RNF19A: variants seen among roughly 807,000 people sequenced by gnomAD.
The protein encoded by RNF19A is ring finger protein 19A, RBR E3 ubiquitin protein ligase.
Under a neutral mutation model 75.7 loss-of-function variants are expected in RNF19A, and 32 were observed. That is an observed-to-expected ratio of 0.42 (90% CI 0.32 to 0.57). The LOEUF is 0.57. RNF19A is among the 20% of genes least tolerant of loss of function. The probability of loss-of-function intolerance (pLI) is 0.10; values close to 1 mark genes in which losing one functional copy is unlikely to be tolerated. For missense variants in RNF19A, 782 were observed against 1,036.3 expected, an observed-to-expected ratio of 0.75 and a Z score of 3.37; for synonymous variants, 335 against 345.2, an observed-to-expected ratio of 0.97 and a Z score of 0.33.
chr8:100,319,286 A>G (rs546830524), intron 1 of RNF19A, among the ~76,000 whole-genome samples: 1 of 149,790 alleles, frequency 6.7e-6, no homozygotes, highest in African/African-American at 2.4e-5. Flanking sequence ...AAGAATATAA[A>G]TTTTTCTTAG....
At chr8:100,293,876 C>T (rs1289921461) in intron 1 of RNF19A, among the ~76,000 whole-genome samples, 3 of 152,206 alleles carry the variant, frequency 2.0e-5, no homozygotes, top group South Asian at 4.1e-4. Flanking sequence ...CATCTCCAAT[C>T]TGCTGTTAAA....
At chr8:100,316,004 A>G (rs1401932508) in intron 1 of RNF19A, among the ~76,000 whole-genome samples, 2 of 152,082 alleles carry the variant, frequency 1.3e-5, no homozygotes, top group Non-Finnish European at 2.9e-5. Flanking sequence ...GAAGCCGTGG[A>G]CCCTTGCGGT....
In RNF19A at chr8:100,259,203, G is replaced by C; in HGVS notation, c.1870C>G (p.Pro624Ala). The C allele has an allele frequency of 6.2e-7, 1 of 1,613,614 alleles. No homozygotes were observed. Among genetic ancestry groups the C allele is most frequent in the Non-Finnish European group, 8.5e-7 (1 of 1,179,974 alleles). ...CCACTGTTGTGCCTGAATTTGGATG[G>C]CTTTGACTCAATATCTACTTGCACC... ...MEVQVDIESK[P>A]SKFRHNSGSS... The change falls in exon 10 of 10, where the codon CCA becomes GCA. Residue 624 changes from proline (P) to alanine (A), a missense_variant. Transcript: ENST00000341084. The surrounding 1 kb of genome is among the most constrained non-coding windows in gnomAD (Gnocchi z 4.5).
At chr8:100,285,914 CAT>C (rs1563850723) in intron 2 of RNF19A, among the ~76,000 whole-genome samples, 1 of 152,142 alleles carries the variant, frequency 6.6e-6, no homozygotes, top group African/African-American at 2.4e-5. Context: ...TGAAACATAA[CAT>C]AGACATATTC....
At chr8:100,282,948 T>C (rs1192391754) in intron 2 of RNF19A, among the ~76,000 whole-genome samples, 1 of 152,176 alleles carries the variant, frequency 6.6e-6, no homozygotes, top group African/African-American at 2.4e-5. Flanking sequence ...AAGCCAATTA[T>C]AGTTGATCAC....
In RNF19A at chr8:100,287,584, C is replaced by G. The variant is rs73282731; in HGVS notation, c.591G>C (p.Leu197Phe). ...GCATAAATTCTTCGTATTTTTCCATCAAGACATCATCACTTAATATCAAGC... is the reference window on the plus strand; with the variant it reads ...GCATAAATTCTTCGTATTTTTCCATGAAGACATCATCACTTAATATCAAGC... The part of the protein sequence containing the change: ...DIRLILSDDV[L>F]MEKYEEFMLR... Residue 197 changes from leucine (L) to phenylalanine (F), a missense_variant, in exon 2 of 10, where the codon TTG becomes TTC. Leu to Phe is a conservative substitution (Grantham distance 22). Transcript: ENST00000341084. The surrounding 1 kb of genome is among the most constrained non-coding windows in gnomAD (Gnocchi z 4.1). 1.9e-6 allele frequency: 3 copies of G among 1,613,988 alleles called. No homozygotes were observed. The Admixed American group carries it at 5.0e-5, about 27-fold the overall frequency.
chr8:100,274,991 G>A lies in RNF19A; in HGVS notation c.845C>T (p.Ser282Phe). The A allele has an allele frequency of 6.2e-7, 1 of 1,614,072 alleles. No individual in the cohort carries two copies. Among genetic ancestry groups the A allele is most frequent in the Non-Finnish European group, 8.5e-7 (1 of 1,179,972 alleles). The change falls in exon 3 of 10, where the codon TCT (serine) becomes TTT (phenylalanine). Residue 282 changes from serine to phenylalanine, a missense_variant. Physicochemically the swap from Ser to Phe is radical, Grantham distance 155. Coordinates refer to ENST00000341084, the MANE Select transcript of RNF19A (RefSeq NM_183419.4). ...AQSLRLRTIR[S>F]SSISYSQESG... ...CTCTTGACTATAACTAATGGATGAA[G>A]AACGTATAGTTCTCAAACGTAAGCT...
intron 2 of RNF19A, among the ~76,000 whole-genome samples, chr8:100,286,511 T>C (rs575201070): frequency 2.1e-4 from 32 of 152,266 alleles, no homozygotes; most frequent in East Asian, 1.3e-3. Context: ...CCTGGGAAAA[T>C]TGGGATTTGC....
In RNF19A at chr8:100,325,052, G is replaced by A. The variant is rs991064971; in HGVS notation, c.-243+11056C>T. The stretch of plus-strand genomic sequence containing the variant: ...CTCTCGAGTAGCTGGAATTACAGGT[G>A]CCTACCACCACAACCGGCTAATTTT... On this transcript the variant is annotated intron_variant, in intron 1 of 3. Coordinates refer to the RNF19A transcript ENST00000519527. The surrounding 1 kb of genome is among the most constrained non-coding windows in gnomAD (Gnocchi z 4.3). Among the ~76,000 whole-genome samples the A allele has an allele frequency of 1.3e-5, 2 of 152,034 alleles. No homozygotes were observed. The highest frequency in any genetic ancestry group is 2.4e-5 in the African/African-American group (1 of 41,474).
intron 2 of RNF19A, among the ~76,000 whole-genome samples, chr8:100,277,299 T>C (rs2129750974): frequency 6.6e-6 from 1 of 152,304 alleles, no homozygotes; most frequent in South Asian, 2.1e-4. Flanking sequence ...TTTGGACTTG[T>C]TGATCCCTTA....
At chr8:100,335,153 A>G (rs867814985) in intron 1 of RNF19A, among the ~76,000 whole-genome samples, 3 of 152,370 alleles carry the variant, frequency 2.0e-5, no homozygotes, top group South Asian at 4.1e-4. Flanking sequence ...TAAAAACTCT[A>G]CTAATATGTT....
chr8:100,312,677 A>C (rs543489991), upstream of RNF19A, among the ~76,000 whole-genome samples: 207 of 152,310 alleles, frequency 1.4e-3, no homozygotes, highest in Non-Finnish European at 2.0e-3. Context: ...TAATCCCGGC[A>C]CTTTGGGAGG....
chr8:100,326,401 A>C (rs1233914348), intron 1 of RNF19A, among the ~76,000 whole-genome samples: 1 of 152,072 alleles, frequency 6.6e-6, no homozygotes, highest in Non-Finnish European at 1.5e-5. Context: ...TAATGCCCAC[A>C]TTCTTTCATT....
In RNF19A at chr8:100,259,327, GAAAA is replaced by G; in HGVS notation, c.1827-85_1827-82del. The G allele has an allele frequency of 9.0e-7, 1 of 1,115,698 alleles. No individual in the cohort carries two copies. The highest frequency in any genetic ancestry group is 1.3e-6 in the Non-Finnish European group (1 of 776,872). 69.1% of individuals were successfully genotyped at this position (1,115,698 alleles called of 1,614,324 possible). On this transcript the variant is annotated intron_variant, in intron 9 of 9. Transcript: ENST00000341084. The surrounding 1 kb of genome is among the most constrained non-coding windows in gnomAD (Gnocchi z 4.5). ...TGACTGGGGGAAGGGTTTCTATGTG[GAAAA>G]TTCAGACTATATATAAGCTATGAGA...
At position 100,268,917 on chromosome 8, in the gene RNF19A, T is replaced by C. The variant is rs755760971; in HGVS notation, c.1059A>G (p.Lys353=). 3 of 1,593,694 alleles carry C rather than the reference T, an allele frequency of 1.9e-6. No individual in the cohort carries two copies. The highest frequency in any genetic ancestry group is 1.7e-4 in the Middle Eastern group (1 of 5,966). The change falls in exon 5 of 10, where the codon AAA becomes AAG. Residue 353 remains lysine, a synonymous_variant. Coordinates refer to ENST00000341084, the MANE Select transcript of RNF19A (RefSeq NM_183419.4). ...SPSGCTFWGK[K]PWSRKKKILW... ...ATATTTTCTTCTTTCGGCTCCAGGGTTTCTTCCCCCAAAAAGTACATCCTG... is the reference window on the plus strand; with the variant it reads ...ATATTTTCTTCTTTCGGCTCCAGGGCTTCTTCCCCCAAAAAGTACATCCTG...
chr8:100,279,222 T>C (rs1188139494), intron 2 of RNF19A, among the ~76,000 whole-genome samples: 1 of 152,188 alleles, frequency 6.6e-6, no homozygotes, highest in Non-Finnish European at 1.5e-5. Flanking sequence ...TTAAAGTGAA[T>C]ATTTAGAATT....
chr8:100,335,781 CT>C (rs1822672911), intron 1 of RNF19A, among the ~76,000 whole-genome samples: 1 of 152,110 alleles, frequency 6.6e-6, no homozygotes, highest in Non-Finnish European at 1.5e-5. Context: ...TCCCTAGGTG[CT>C]TTCTAAGGTA....
rs772804531 is a variant in RNF19A, at chr8:100,325,611, C to A, written c.-243+10497G>T. On this transcript the variant is annotated intron_variant, in intron 1 of 3. Transcript: ENST00000519527. The surrounding 1 kb of genome is among the most constrained non-coding windows in gnomAD (Gnocchi z 4.3). ...CTACGCCCTGGGTCCTCAAGCCCAG[C>A]CTATATTTGCCATATCTTGGCCCCA... Among the ~76,000 whole-genome samples the A allele has an allele frequency of 3.3e-5, 5 of 152,146 alleles. No individual in the cohort carries two copies. Among genetic ancestry groups the A allele is most frequent in the Non-Finnish European group, 5.9e-5 (4 of 68,038 alleles).
In RNF19A at chr8:100,324,870, CTCTTTTTTT is replaced by C. The variant is rs1479974358; in HGVS notation, c.-243+11229_-243+11237del. ...CCCTCCCTCCTTCCTTTCTCTCTTTCTCTTTTTTTTCTTTCTTTCTCTCTCTCTCTTTCT... is the reference window on the plus strand; with the variant it reads ...CCCTCCCTCCTTCCTTTCTCTCTTTCTCTTTCTTTCTCTCTCTCTCTTTCT... On this transcript the variant is annotated intron_variant, in intron 1 of 3. Coordinates refer to the RNF19A transcript ENST00000519527. This position sits in a 1 kb window ranked among gnomAD's most constrained non-coding sequence, Gnocchi z 4.2. 1.4e-5 allele frequency among the ~76,000 whole-genome samples: 2 copies of C among 142,148 alleles called. No individual in the cohort carries two copies. Among genetic ancestry groups the C allele is most frequent in the African/African-American group, 2.8e-5 (1 of 36,230 alleles). The allele number at this position is 142,148 out of a possible 152,430, so 93.3% of individuals were successfully genotyped here. A position where few individuals can be genotyped will look rare whatever the true frequency, so the allele number is the denominator to read the frequency against.
Sources: allele counts gnomAD v4.1 joint callset (sites outside exome capture counted in the v4.1 genomes callset), GRCh38; gene constraint gnomAD v4.1.1; non-coding constraint Gnocchi (gnomAD v3.1); transcripts MANE v1.5; gene names NCBI Gene and HGNC (gene_info 2026-07-23, HGNC 2026-07-21).